Variants in UGT1A10 observed in about 807,000 individuals in gnomAD.
UGT1A10 encodes the protein UDP glucuronosyltransferase family 1 member A10, also known as UDP-glucuronosyltransferase 1A10.
In UGT1A10, 49 loss-of-function variants were observed where a neutral mutation model predicts 45.8. The ratio of observed to expected loss-of-function variants is 1.07; its 90% CI spans 0.85 to 1.36. The LOEUF is 1.36. Ranked by LOEUF, UGT1A10 falls within the 40% of genes most tolerant of loss-of-function variation. The pLI, the probability that UGT1A10 is intolerant of heterozygous loss-of-function variation, is 0.00. For synonymous variants in UGT1A10, 284 were observed against 249.7 expected (o/e 1.14, Z -1.29); for missense variants, 745 against 668.6 (o/e 1.11, Z -1.26).
intron 1 of UGT1A10, among the ~76,000 whole-genome samples, chr2:233,696,194 C>G (rs943061059): frequency 6.6e-6 from 1 of 152,176 alleles, no homozygotes; most frequent in Non-Finnish European, 1.5e-5. Context: ...TATCTGCACT[C>G]CCATGTTTAT....
intron 1 of UGT1A10, among the ~76,000 whole-genome samples, chr2:233,724,137 G>A (rs1240134584): frequency 1.9e-4 from 22 of 114,476 alleles, no homozygotes; most frequent in Non-Finnish European, 2.5e-4. Context: ...CCTCCCGGAC[G>A]GGGCGGCTGG....
At chr2:233,754,990 G>A (rs1695677105) in intron 1 of UGT1A10, 1 of 1,294,272 alleles carries the variant, frequency 7.7e-7, no homozygotes, top group Non-Finnish European at 1.0e-6. Context: ...GCGGGGTCAC[G>A]GAAGCTGAAG....
intron 1 of UGT1A10, chr2:233,729,086 A>G: frequency 6.2e-7 from 1 of 1,612,434 alleles, no homozygotes; most frequent in African/African-American, 1.3e-5. Flanking sequence ...TAGCAGGCAC[A>G]GCGTGGGGTG....
chr2:233,643,155 G>A (rs2073501098), intron 1 of UGT1A10, among the ~76,000 whole-genome samples: 1 of 152,198 alleles, frequency 6.6e-6, no homozygotes, highest in South Asian at 2.1e-4. Context: ...GGTCCCCCAG[G>A]CCCTGGGTGG....
intron 1 of UGT1A10, among the ~76,000 whole-genome samples, chr2:233,716,010 A>T (rs1320740182): frequency 6.6e-6 from 1 of 152,160 alleles, no homozygotes; most frequent in Non-Finnish European, 1.5e-5. Flanking sequence ...AATGACTTTA[A>T]TCTGATAGTT....
chr2:233,733,407 C>T (rs906302145), intron 1 of UGT1A10, among the ~76,000 whole-genome samples: 4 of 152,152 alleles, frequency 2.6e-5, no homozygotes, highest in African/African-American at 9.7e-5. Flanking sequence ...GGGAATGCTT[C>T]CAGTTTTCGC....
At chr2:233,720,900 G>A (rs2076906237) in intron 1 of UGT1A10, among the ~76,000 whole-genome samples, 1 of 144,530 alleles carries the variant, frequency 6.9e-6, no homozygotes, top group Non-Finnish European at 1.5e-5. Flanking sequence ...TAGTAGAGAT[G>A]AGGTTTCGCA....
rs1248862284 is a variant in UGT1A10, at chr2:233,768,128, C to G, written c.1076-92C>G. On this transcript the variant is annotated intron_variant, in intron 3 of 4. Transcript: ENST00000344644. ...TTTCTGCAAGGGCATGTGAGTAACA[C>G]TGAGTCTTTGGAGTGTTTTCAGAAC... 5 of 1,605,354 alleles carry G rather than the reference C, an allele frequency of 3.1e-6. No homozygotes were observed. In the East Asian group the frequency reaches 1.1e-4, roughly 36 times the overall value.
At chr2:233,714,647 C>T (rs886443122) in intron 1 of UGT1A10, among the ~76,000 whole-genome samples, 1 of 152,174 alleles carries the variant, frequency 6.6e-6, no homozygotes, top group Non-Finnish European at 1.5e-5. Context: ...GTGAATAATG[C>T]ATTTTATTTA....
chr2:233,694,717 T>A (rs1262844256), intron 1 of UGT1A10, among the ~76,000 whole-genome samples: 4 of 152,178 alleles, frequency 2.6e-5, no homozygotes, highest in Non-Finnish European at 5.9e-5. Flanking sequence ...CACCTGCTGA[T>A]TTCTCTGTTA....
chr2:233,677,844 C>A (rs374876034), intron 1 of UGT1A10, among the ~76,000 whole-genome samples: 1 of 151,532 alleles, frequency 6.6e-6, no homozygotes, highest in Admixed American at 6.6e-5. Context: ...TAAAAAAAAT[C>A]GTTTTACCAA....
chr2:233,666,219 G>A (rs2074072897), intron 1 of UGT1A10, among the ~76,000 whole-genome samples: 1 of 152,150 alleles, frequency 6.6e-6, no homozygotes, highest in Non-Finnish European at 1.5e-5. Flanking sequence ...TAGATGGGAA[G>A]TTCACTCATT....
intron 1 of UGT1A10, chr2:233,743,033 G>A: frequency 3.8e-6 from 1 of 265,158 alleles, no homozygotes; most frequent in Non-Finnish European, 7.4e-6. Context: ...ACAAACAGAG[G>A]TCCTATCCGT....
intron 1 of UGT1A10, among the ~76,000 whole-genome samples, chr2:233,740,368 A>C (rs1423573410): frequency 6.6e-6 from 1 of 151,928 alleles, no homozygotes; most frequent in Non-Finnish European, 1.5e-5. Flanking sequence ...AATTCCTAGA[A>C]AGGTAAGTTG....
At chr2:233,648,460 T>C (rs936289941) in intron 1 of UGT1A10, 1 of 145,666 alleles carries the variant, frequency 6.9e-6, no homozygotes, top group Non-Finnish European at 1.5e-5. Flanking sequence ...TTATTATTTT[T>C]ATTTATTTAT....
chr2:233,744,239 T>C (rs1275088982), intron 1 of UGT1A10, among the ~76,000 whole-genome samples: 1 of 151,842 alleles, frequency 6.6e-6, no homozygotes, highest in Non-Finnish European at 1.5e-5. Flanking sequence ...GCCTTGACTT[T>C]GGCTGCCTGA....
intron 1 of UGT1A10, chr2:233,690,899 ATAGTGATGTTAGTT>A: frequency 1.9e-6 from 2 of 1,035,238 alleles, no homozygotes; most frequent in Non-Finnish European, 1.2e-6. Flanking sequence ...GATGGTATGC[ATAGTGATGTTAGTT>A]TCATTTCTTC....
At chr2:233,697,756 T>A (rs974445087) in intron 1 of UGT1A10, among the ~76,000 whole-genome samples, 2 of 152,164 alleles carry the variant, frequency 1.3e-5, no homozygotes, top group Non-Finnish European at 2.9e-5. Flanking sequence ...GCCCATAGAT[T>A]TTGATACATT....
chr2:233,718,300 C>G, intron 1 of UGT1A10, among the ~76,000 whole-genome samples: 1 of 152,240 alleles, frequency 6.6e-6, no homozygotes, highest in Non-Finnish European at 1.5e-5. Flanking sequence ...AGCCTGAACA[C>G]TCTCTGTTTA....
Sources: allele counts gnomAD v4.1 joint callset (sites outside exome capture counted in the v4.1 genomes callset), GRCh38; gene constraint gnomAD v4.1.1; transcripts MANE v1.5; gene names NCBI Gene and HGNC (gene_info 2026-07-23, HGNC 2026-07-21).